RASA3: variants seen among roughly 807,000 people sequenced by gnomAD.
The protein encoded by RASA3 is RAS p21 protein activator 3.
RASA3 carries 73 observed loss-of-function variants against 110.0 expected under a neutral mutation model. The ratio of observed to expected loss-of-function variants is 0.66; its 90% confidence interval spans 0.55 to 0.81. The LOEUF is 0.81. Among genes scored for constraint, RASA3 ranks in the 30% least tolerant of loss-of-function variants. The pLI is 0.00. For missense variants in RASA3, 976 were observed against 1,113.2 expected, an observed-to-expected ratio of 0.88 and a Z score of 1.75; for synonymous variants, 500 against 451.4, an observed-to-expected ratio of 1.11 and a Z score of -1.37.
Position 114,057,363 on chromosome 13 carries a change from C to A in RASA3, c.174-5208G>T. The A allele has an allele frequency of 1.0e-6, 1 of 985,372 alleles. No homozygotes were observed. The highest frequency in any genetic ancestry group is 1.2e-6 in the Non-Finnish European group (1 of 829,930). The allele number at this position is 985,372 out of a possible 1,614,324, so 61.0% of individuals were successfully genotyped here. ...CCAAGCTTCATTCCCACGAGCTGGACGAGCAGAAGGCATTGCAGGGCAGTG... is the reference window on the plus strand; with the variant it reads ...CCAAGCTTCATTCCCACGAGCTGGAAGAGCAGAAGGCATTGCAGGGCAGTG... On this transcript the variant is annotated intron_variant, in intron 2 of 23. Transcript: ENST00000334062. This position sits in a 1 kb window ranked among gnomAD's most constrained non-coding sequence, Gnocchi z 5.0.
chr13:114,124,111 C>G (rs2139796289), intron 1 of RASA3, among the ~76,000 whole-genome samples: 1 of 152,302 alleles, frequency 6.6e-6, no homozygotes, highest in South Asian at 2.1e-4. Flanking sequence ...ACACGCAGGT[C>G]AGCGCTGCAG....
intron 9 of RASA3, 32 bp from the exon 10 acceptor site, chr13:114,018,951 T>A: frequency 6.2e-7 from 1 of 1,611,810 alleles, no homozygotes; most frequent in Non-Finnish European, 8.5e-7. Context: ...AGGGGAGGCA[T>A]GAGGCTGCAT....
At chr13:114,052,573 C>G (rs902579858) in intron 2 of RASA3, among the ~76,000 whole-genome samples, 1 of 152,340 alleles carries the variant, frequency 6.6e-6, no homozygotes, top group East Asian at 1.9e-4. Context: ...TGCCTTGGAC[C>G]GCTCCTTTTA....
chr13:114,012,511 C>T (rs1263813319), intron 15 of RASA3, among the ~76,000 whole-genome samples: 3 of 148,422 alleles, frequency 2.0e-5, no homozygotes, highest in South Asian at 2.2e-4. Flanking sequence ...TCATTACACA[C>T]ACTCCCCACG....
chr13:114,098,768 G>A (rs979477230), intron 1 of RASA3, among the ~76,000 whole-genome samples: 5 of 152,058 alleles, frequency 3.3e-5, no homozygotes, highest in African/African-American at 9.7e-5. Flanking sequence ...GCACAAGGGC[G>A]GGAGAAAGAC....
chr13:113,992,027 C>A (rs1566447936), intron 22 of RASA3, among the ~76,000 whole-genome samples: 1 of 151,562 alleles, frequency 6.6e-6, no homozygotes. Flanking sequence ...ATTCACACAT[C>A]CACACTCATA....
In RASA3 at chr13:114,014,814, G is replaced by A. The variant is rs1329476493; in HGVS notation, c.1405+395C>T. 2.6e-5 allele frequency among the ~76,000 whole-genome samples: 4 copies of A among 152,090 alleles called. No individual in the cohort carries two copies. Among genetic ancestry groups the A allele is most frequent in the Non-Finnish European group, 4.4e-5 (3 of 67,992 alleles). On this transcript the variant is annotated intron_variant, in intron 14 of 23. Coordinates refer to ENST00000334062, the MANE Select transcript of RASA3 (RefSeq NM_007368.4). The surrounding 1 kb of genome is among the most constrained non-coding windows in gnomAD (Gnocchi z 4.5). ...GGGTCGGCCACAAAAAGAAACCACT[G>A]GGAAAACCCAGGGGTCCACATCAGG...
chr13:114,008,963 C>CGCG (rs1316761989), intron 17 of RASA3, among the ~76,000 whole-genome samples: 32 of 20,216 alleles, frequency 1.6e-3, no homozygotes, highest in Admixed American at 1.7e-3. Context: ...CCCCACGCAC[C>CGCG]GCGTTCCTAA....
chr13:114,001,357 CA>C (rs2053391317), intron 18 of RASA3, among the ~76,000 whole-genome samples: 2 of 146,772 alleles, frequency 1.4e-5, no homozygotes, highest in African/African-American at 2.5e-5. Context: ...GACGCCCACA[CA>C]ACATGGAGGA....
In RASA3 at chr13:114,029,176, T is replaced by A. The variant is rs76993639; in HGVS notation, c.449+635A>T. 1.1e-3 allele frequency among the ~76,000 whole-genome samples: 19 copies of A among 17,476 alleles called. 1 individual carries two copies. The highest frequency in any genetic ancestry group is 0.01 in the African/African-American group (12 of 1,166). 11.5% of individuals were successfully genotyped at this position (17,476 alleles called of 152,430 possible). A position where few individuals can be genotyped will look rare whatever the true frequency, so the allele number is the denominator to read the frequency against. On this transcript the variant is annotated intron_variant, in intron 5 of 23. Coordinates refer to ENST00000334062, the MANE Select transcript of RASA3 (RefSeq NM_007368.4). ...TGGGGGCCAGGACCTCTAAAACAGCTTCATCCTGGTGGGCCAGGACCTCTA... is the reference window on the plus strand; with the variant it reads ...TGGGGGCCAGGACCTCTAAAACAGCATCATCCTGGTGGGCCAGGACCTCTA...
chr13:114,064,631 T>TC (rs1328375587), intron 2 of RASA3, among the ~76,000 whole-genome samples: 25 of 152,210 alleles, frequency 1.6e-4, no homozygotes, highest in African/African-American at 5.5e-4. Flanking sequence ...AGGGCATTCC[T>TC]CCCATCCCCC....
At chr13:114,009,150 G>A (rs1027110881) in intron 17 of RASA3, among the ~76,000 whole-genome samples, 12 of 152,222 alleles carry the variant, frequency 7.9e-5, no homozygotes, top group Admixed American at 7.9e-4. Flanking sequence ...AGATGGGCGA[G>A]GGCCCCGTTT....
intron 5 of RASA3, among the ~76,000 whole-genome samples, chr13:114,028,395 T>TC (rs2054074683): frequency 2.8e-5 from 4 of 142,476 alleles, no homozygotes; most frequent in Admixed American, 7.0e-5. Flanking sequence ...AACAGCATCA[T>TC]CTGGGAGCTA....
intron 1 of RASA3, among the ~76,000 whole-genome samples, chr13:114,074,207 C>A (rs911782567): frequency 6.6e-6 from 1 of 152,184 alleles, no homozygotes; most frequent in African/African-American, 2.4e-5. Context: ...GTTGTGCAAC[C>A]ATCACCACCG....
chr13:114,062,608 C>CGG (rs1566541721), intron 2 of RASA3, among the ~76,000 whole-genome samples: 25 of 151,870 alleles, frequency 1.6e-4, no homozygotes, highest in African/African-American at 4.8e-4. Flanking sequence ...CACGCAGACT[C>CGG]AGACACGCGT....
At chr13:113,980,127 CTG>C (rs1240783678) in intron 23 of RASA3, among the ~76,000 whole-genome samples, 4 of 146,156 alleles carry the variant, frequency 2.7e-5, no homozygotes, top group East Asian at 4.1e-4. Context: ...TGCACCTCCT[CTG>C]TGTGTACCTC....
intron 1 of RASA3, among the ~76,000 whole-genome samples, chr13:114,090,553 G>A (rs114197292): frequency 0.013 from 1,973 of 152,244 alleles, 42 homozygotes; most frequent in African/African-American, 0.045. Context: ...TTCCGCTTCC[G>A]ACCAGGCAGG....
chr13:113,993,806 T>TAAAAAAAAA (rs35450759), intron 21 of RASA3, among the ~76,000 whole-genome samples: 9 of 85,588 alleles, frequency 1.1e-4, no homozygotes, highest in African/African-American at 2.8e-4. Flanking sequence ...AGACTCTGCC[T>TAAAAAAAAA]AAAAAAAAAA....
intron 12 of RASA3, among the ~76,000 whole-genome samples, chr13:114,016,806 C>T (rs141274338): frequency 2.7e-4 from 41 of 152,294 alleles, no homozygotes; most frequent in Middle Eastern, 3.4e-3. Flanking sequence ...CGCTCATAAA[C>T]GGGGGGCACA....
Sources: allele counts gnomAD v4.1 joint callset (sites outside exome capture counted in the v4.1 genomes callset), GRCh38; gene constraint gnomAD v4.1.1; non-coding constraint Gnocchi (gnomAD v3.1); transcripts MANE v1.5; gene names NCBI Gene and HGNC (gene_info 2026-07-23, HGNC 2026-07-21).